Variants in ABCG2 observed in about 807,000 individuals in gnomAD.
ABCG2 encodes broad substrate specificity ATP-binding cassette transporter ABCG2.
A neutral mutation model predicts 73.5 loss-of-function variants in ABCG2; 80 were observed. The ratio of observed to expected loss-of-function variants is 1.09; its 90% CI spans 0.91 to 1.31. The LOEUF (loss-of-function observed/expected upper bound fraction) is 1.31, where lower values mean the gene tolerates loss of function less well. Ranked by LOEUF, ABCG2 falls within the 50% of genes most tolerant of loss-of-function variation. The pLI, the probability that ABCG2 is intolerant of heterozygous loss-of-function variation, is 0.00. For missense variants in ABCG2, 796 were observed against 786.2 expected (o/e 1.01, Z -0.15); for synonymous variants, 269 against 282.4 (o/e 0.95, Z 0.48).
At position 88,184,290 on chromosome 4, in the gene ABCG2, T is replaced by C. The variant is rs530926928; in HGVS notation, c.-19-44276A>G. Among the ~76,000 whole-genome samples the C allele has an allele frequency of 2.9e-3, 440 of 152,282 alleles. 2 individuals are homozygous for C. The highest frequency in any genetic ancestry group is 0.017 in the South Asian group (83 of 4,808). On this transcript the variant is annotated intron_variant, in intron 1 of 15. Transcript: ENST00000515655. ...AAATTATCTTTGTTGGCAGATGATA[T>C]GATCCCATATTTGGAAAAACTAAAG...
intron 1 of ABCG2, among the ~76,000 whole-genome samples, chr4:88,177,742 T>C (rs886534680): frequency 1.3e-5 from 2 of 151,978 alleles, no homozygotes; most frequent in Non-Finnish European, 2.9e-5. Flanking sequence ...CCACATACCA[T>C]GGAGAGAGAA....
chr4:88,180,848 A>C (rs949205446), intron 1 of ABCG2, among the ~76,000 whole-genome samples: 5 of 152,192 alleles, frequency 3.3e-5, no homozygotes, highest in African/African-American at 1.2e-4. Context: ...GGTAATAATA[A>C]GTACACAGAA....
intron 5 of ABCG2, among the ~76,000 whole-genome samples, chr4:88,123,447 A>G (rs1034996452): frequency 6.6e-6 from 1 of 152,148 alleles, no homozygotes; most frequent in African/African-American, 2.4e-5. Context: ...AATTAGAATA[A>G]CCAGTTTATA....
intron 1 of ABCG2, among the ~76,000 whole-genome samples, chr4:88,227,668 G>A (rs1056710341): frequency 1.3e-5 from 2 of 152,144 alleles, no homozygotes; most frequent in Non-Finnish European, 2.9e-5. Context: ...ATCTAAGCCT[G>A]AGAAAGTTTG....
upstream of ABCG2, chr4:88,163,946 A>T (rs1021047264): frequency 1.9e-4 from 29 of 154,964 alleles, no homozygotes; most frequent in African/African-American, 7.0e-4. Context: ...ATCTGCAGAT[A>T]GTCAATGTGG....
At chr4:88,201,193 C>T (rs1382203274) in intron 1 of ABCG2, among the ~76,000 whole-genome samples, 1 of 134,930 alleles carries the variant, frequency 7.4e-6, no homozygotes, top group Non-Finnish European at 1.6e-5. Context: ...TTATAAGTCT[C>T]CAGTTGCACT....
chr4:88,098,880 G>A (rs1314000235), intron 12 of ABCG2, among the ~76,000 whole-genome samples: 1 of 152,150 alleles, frequency 6.6e-6, no homozygotes, highest in Non-Finnish European at 1.5e-5. Context: ...GGAGGCTGAG[G>A]TAGGAGGACT....
intron 1 of ABCG2, among the ~76,000 whole-genome samples, chr4:88,192,204 A>C (rs1728718988): frequency 6.6e-6 from 1 of 151,800 alleles, no homozygotes; most frequent in South Asian, 2.1e-4. Flanking sequence ...AAAAGAAAGA[A>C]ATTTGTTTGG....
chr4:88,216,630 G>A (rs1163142651), intron 1 of ABCG2, among the ~76,000 whole-genome samples: 3 of 152,150 alleles, frequency 2.0e-5, no homozygotes, highest in Non-Finnish European at 2.9e-5. Context: ...ACTATTGTCC[G>A]GGGTGACCAG....
chr4:88,101,561 T>A lies in ABCG2; in HGVS notation c.1278-242A>T, dbSNP rs554995521. Among the ~76,000 whole-genome samples the A allele has an allele frequency of 2.6e-5, 4 of 151,946 alleles. No individual in the cohort carries two copies. The East Asian group carries it at 7.8e-4, about 30-fold the overall frequency. On this transcript the variant is annotated intron_variant, in intron 10 of 15. Coordinates refer to ENST00000237612, the MANE Select transcript of ABCG2 (RefSeq NM_004827.3). ...GGATTGTTGTGGAATGAATTGCGTC[T>A]CCCCCCACCAAAATTCATATGTTGA...
chr4:88,098,779 A>G (rs1016136296), intron 12 of ABCG2, among the ~76,000 whole-genome samples: 5 of 152,128 alleles, frequency 3.3e-5, no homozygotes, highest in Non-Finnish European at 7.3e-5. Context: ...TGTGTATAAC[A>G]CAAGCATCTC....
At chr4:88,153,136 TAA>T (rs896148312) in intron 1 of ABCG2, among the ~76,000 whole-genome samples, 6 of 152,132 alleles carry the variant, frequency 3.9e-5, no homozygotes, top group Non-Finnish European at 7.3e-5. Flanking sequence ...TTATTTACTT[TAA>T]GAGTTGAGAG....
At chr4:88,111,395 A>T (rs1265376920) in intron 9 of ABCG2, among the ~76,000 whole-genome samples, 1 of 152,228 alleles carries the variant, frequency 6.6e-6, no homozygotes, top group Non-Finnish European at 1.5e-5. Flanking sequence ...ACACCAAATT[A>T]TACGTACCAA....
intron 11 of ABCG2, among the ~76,000 whole-genome samples, chr4:88,100,074 A>C (rs930510134): frequency 6.6e-6 from 1 of 151,846 alleles, no homozygotes; most frequent in Non-Finnish European, 1.5e-5. Context: ...CACTTCCTTC[A>C]TTATTTCCCT....
chr4:88,113,623 AC>A, intron 8 of ABCG2, 70 bp from the exon 9 acceptor site: 1 of 1,558,006 alleles, frequency 6.4e-7, no homozygotes. Context: ...TTTTCTGTGA[AC>A]CCTTTCTTGG....
At chr4:88,218,138 C>CT (rs911776871) in intron 1 of ABCG2, among the ~76,000 whole-genome samples, 7 of 152,140 alleles carry the variant, frequency 4.6e-5, no homozygotes, top group Non-Finnish European at 1.0e-4. Flanking sequence ...TTCATTCCCT[C>CT]TCAGTCTTTC....
rs1251401043 is a variant in ABCG2 at position 88,099,334 on chromosome 4, G to A, written c.1482C>T (p.Tyr494=). ...LPSIIFTCIV[Y]FMLGLKPKAD... ...TTGTTACATACTTACCTAACATGAA[G>A]TACACTATACAGGTAAATATAATAC... Residue 494 remains tyrosine (Y), a synonymous_variant, in exon 12 of 16, where the codon TAC becomes TAT. Coordinates refer to ENST00000237612, the MANE Select transcript of ABCG2 (RefSeq NM_004827.3). The A allele has an allele frequency of 5.6e-6, 9 of 1,594,680 alleles. No individual in the cohort carries two copies. The African/African-American group carries it at 9.4e-5, about 17-fold the overall frequency.
At chr4:88,152,071 T>C (rs1726531343) in intron 1 of ABCG2, among the ~76,000 whole-genome samples, 1 of 152,168 alleles carries the variant, frequency 6.6e-6, no homozygotes, top group South Asian at 2.1e-4. Context: ...ACCAAAATTA[T>C]AATATTAGGA....
chr4:88,170,192 G>A (rs1578253119), intron 1 of ABCG2, among the ~76,000 whole-genome samples: 1 of 151,310 alleles, frequency 6.6e-6, no homozygotes, highest in Non-Finnish European at 1.5e-5. Context: ...ACAGCTTTGA[G>A]ACAAACCACA....
Sources: allele counts gnomAD v4.1 joint callset (sites outside exome capture counted in the v4.1 genomes callset), GRCh38; gene constraint gnomAD v4.1.1; transcripts MANE v1.5; gene names NCBI Gene and HGNC (gene_info 2026-07-23, HGNC 2026-07-21).